Variants in PCDH15 observed in about 807,000 individuals in gnomAD.
PCDH15 encodes the protein protocadherin related 15, also known as protocadherin-15.
In PCDH15, 129 loss-of-function variants were observed where a neutral mutation model predicts 178.5. That is an observed-to-expected ratio of 0.72 (90% confidence interval 0.63 to 0.84). The LOEUF is 0.84. PCDH15 is among the 40% of genes least tolerant of loss of function. PCDH15 has a pLI of 0.00. For missense variants in PCDH15, 2,230 were observed against 2,099.9 expected (o/e 1.06, Z -1.21); for synonymous variants, 800 against 732.0 (o/e 1.09, Z -1.50).
chr10:55,068,502 A>C (rs1841626210), intron 2 of PCDH15, among the ~76,000 whole-genome samples: 1 of 152,112 alleles, frequency 6.6e-6, no homozygotes. Context: ...ATAGGCGTGC[A>C]CTATGCTTTG....
At chr10:54,677,128 T>G (rs147139052) in intron 1 of PCDH15, among the ~76,000 whole-genome samples, 1 of 152,154 alleles carries the variant, frequency 6.6e-6, no homozygotes, top group South Asian at 2.1e-4. Context: ...TCCTAGCACT[T>G]TGGGAGGTCA....
At chr10:55,150,725 CAATTAAAATA>C (rs1838685819) in intron 2 of PCDH15, among the ~76,000 whole-genome samples, 1 of 151,960 alleles carries the variant, frequency 6.6e-6, no homozygotes, top group East Asian at 1.9e-4. Context: ...ATATAAATTA[CAATTAAAATA>C]TCTTAAAAAA....
Position 55,281,837 on chromosome 10 carries a change from C to T in PCDH15, c.-156+37762G>A, listed in dbSNP as rs1842741269. On this transcript the variant is annotated intron_variant, in intron 1 of 5. Transcript: ENST00000458638. ...ATAACTGTATGTCCAGTTACAGAAC[C>T]CTGTAATATGATATTTATTCCTTAT... is the stretch of plus-strand genomic sequence containing the variant. Among the ~76,000 whole-genome samples the T allele has an allele frequency of 5.3e-5, 8 of 152,180 alleles. 1 individual carries two copies. In the South Asian group the frequency reaches 1.7e-3, roughly 32 times the overall value.
intron 2 of PCDH15, among the ~76,000 whole-genome samples, chr10:55,424,402 T>C (rs1838700691): frequency 6.6e-6 from 1 of 152,150 alleles, no homozygotes; most frequent in Admixed American, 6.6e-5. Flanking sequence ...CCCTTAGACC[T>C]GAGAAAGGCT....
At chr10:55,339,986 C>G (rs1436288502) in intron 2 of PCDH15, among the ~76,000 whole-genome samples, 1 of 150,988 alleles carries the variant, frequency 6.6e-6, no homozygotes, top group Non-Finnish European at 1.5e-5. Flanking sequence ...GATAAAGAGA[C>G]TGTCGTATCT....
chr10:53,825,311 GAATGACATTT>G (rs2076606839), intron 32 of PCDH15, among the ~76,000 whole-genome samples: 1 of 151,976 alleles, frequency 6.6e-6, no homozygotes, highest in Admixed American at 6.6e-5. Context: ...TTATTCATAT[GAATGACATTT>G]AATAGTAGAT....
chr10:53,991,713 T>C (rs1380969070), intron 21 of PCDH15, among the ~76,000 whole-genome samples: 1 of 151,696 alleles, frequency 6.6e-6, no homozygotes, highest in Non-Finnish European at 1.5e-5. Context: ...CTGTGTCTAG[T>C]TAATCTAGTG....
Position 53,971,151 on chromosome 10 carries a change from G to C in PCDH15, c.2869-9259C>G, listed in dbSNP as rs529665914. Among the ~76,000 whole-genome samples, 36 of 152,154 alleles carry C rather than the reference G, an allele frequency of 2.4e-4. No homozygotes were observed. In the East Asian group the frequency reaches 7.0e-3, roughly 29 times the overall value. ...GTTCAACATACGCAAATCAATAAAC[G>C]TAATGCAGCATATAAACAGAACCAA... On this transcript the variant is annotated intron_variant, in intron 21 of 37. Transcript: ENST00000644397.
chr10:55,383,414 A>C (rs1837583522), intron 2 of PCDH15, among the ~76,000 whole-genome samples: 1 of 152,036 alleles, frequency 6.6e-6, no homozygotes, highest in Non-Finnish European at 1.5e-5. Context: ...TGGAAAAAGC[A>C]ACATTTGGGC....
chr10:54,514,204 T>A (rs548181002), intron 3 of PCDH15, among the ~76,000 whole-genome samples: 1 of 152,306 alleles, frequency 6.6e-6, no homozygotes, highest in Admixed American at 6.5e-5. Context: ...CACATCTTTG[T>A]GTAGTCTTAA....
intron 2 of PCDH15, among the ~76,000 whole-genome samples, chr10:55,617,014 A>G (rs1184168455): frequency 1.3e-5 from 2 of 152,130 alleles, no homozygotes; most frequent in African/African-American, 2.4e-5. Flanking sequence ...TACTTAATAC[A>G]TTAAAATGGT....
At chr10:54,371,724 A>G (rs1280918987) in intron 4 of PCDH15, among the ~76,000 whole-genome samples, 1 of 151,936 alleles carries the variant, frequency 6.6e-6, no homozygotes, top group Non-Finnish European at 1.5e-5. Flanking sequence ...CAAATAGAGC[A>G]GAGATTCTTA....
At chr10:55,401,594 CTGTGTGTGTGTGTGTG>C (rs3074786) in intron 2 of PCDH15, among the ~76,000 whole-genome samples, 16 of 133,114 alleles carry the variant, frequency 1.2e-4, no homozygotes, top group Non-Finnish European at 2.1e-4. Flanking sequence ...ATTTGCCTTA[CTGTGTGTGTGTGTGTG>C]TGTGTGTGTG....
In PCDH15 at chr10:54,880,463, A is replaced by C. The variant is rs1334761457; in HGVS notation, c.-29+16987T>G. On this transcript the variant is annotated intron_variant, in intron 3 of 5. Coordinates refer to the PCDH15 transcript ENST00000458638. ...AATACCATTCCTGATGGAGAAATTTAGAAGCATTCTTCTAACAATTGAGAA... is the reference window on the plus strand; with the variant it reads ...AATACCATTCCTGATGGAGAAATTTCGAAGCATTCTTCTAACAATTGAGAA... Among the ~76,000 whole-genome samples the C allele has an allele frequency of 2.6e-5, 4 of 152,134 alleles. No individual in the cohort carries two copies. In the East Asian group the frequency reaches 7.7e-4, roughly 29 times the overall value.
chr10:54,404,940 A>C (rs7904180), intron 3 of PCDH15, among the ~76,000 whole-genome samples: 2,989 of 152,182 alleles, frequency 0.02, 104 homozygotes, highest in African/African-American at 0.066. Flanking sequence ...CAAAACCACA[A>C]TAAGATACCA....
At chr10:55,063,832 T>C (rs906510239) in intron 2 of PCDH15, among the ~76,000 whole-genome samples, 1 of 152,156 alleles carries the variant, frequency 6.6e-6, no homozygotes, top group African/African-American at 2.4e-5. Context: ...AAAAGATTCA[T>C]GCTTCTGGGA....
At chr10:54,339,107 A>G (rs1160696036) in intron 6 of PCDH15, among the ~76,000 whole-genome samples, 1 of 152,228 alleles carries the variant, frequency 6.6e-6, no homozygotes, top group Non-Finnish European at 1.5e-5. Context: ...CCCACAGGCT[A>G]CATGGGGCCC....
intron 2 of PCDH15, among the ~76,000 whole-genome samples, chr10:55,504,773 C>T (rs1269006420): frequency 6.6e-6 from 1 of 151,126 alleles, no homozygotes; most frequent in East Asian, 1.9e-4. Context: ...TTACATACAA[C>T]ATAATTCAAC....
intron 2 of PCDH15, among the ~76,000 whole-genome samples, chr10:55,400,138 GACCCCAA>G (rs2132023752): frequency 6.6e-6 from 1 of 152,232 alleles, no homozygotes; most frequent in African/African-American, 2.4e-5. Flanking sequence ...CACATAGTAT[GACCCCAA>G]ACCTGGTCAT....
Sources: gnomAD v4.1 joint callset for allele counts (sites outside exome capture counted in the v4.1 genomes callset) on GRCh38, gnomAD v4.1.1 for gene constraint, MANE v1.5 for transcripts, NCBI Gene and HGNC (gene_info 2026-07-23, HGNC 2026-07-21) for gene names.